Variants in ACYP2 observed in about 807,000 individuals in gnomAD.
ACYP2 encodes acylphosphatase 2, also known as acylphosphatase-2.
A neutral mutation model predicts 11.2 loss-of-function variants in ACYP2; 12 were observed. The ratio of observed to expected loss-of-function variants is 1.08; its 90% confidence interval spans 0.69 to 1.74. The LOEUF (loss-of-function observed/expected upper bound fraction) is 1.74. Ranked by LOEUF, ACYP2 falls within the 40% of genes most tolerant of loss-of-function variation. The pLI, the probability that ACYP2 is intolerant of heterozygous loss-of-function variation, is 0.00. For missense variants in ACYP2, 134 were observed against 101.9 expected (o/e 1.31, Z -1.35); for synonymous variants, 43 against 32.2 (o/e 1.33, Z -1.13).
chr2:54,052,046 CAATAAATAAATAAATA>C (rs58161337), intron 3 of ACYP2, among the ~76,000 whole-genome samples: 6 of 141,070 alleles, frequency 4.3e-5, no homozygotes, highest in African/African-American at 7.8e-5. Context: ...GACTCTGTCT[CAATAAATAAATAAATA>C]AATAAATAAA....
intron 3 of ACYP2, among the ~76,000 whole-genome samples, chr2:54,053,720 G>A (rs1176228104): frequency 6.6e-6 from 1 of 152,178 alleles, no homozygotes. Flanking sequence ...CTCCAAGTTT[G>A]TCCTTTTTTG....
intron 3 of ACYP2, chr2:54,051,648 C>T (rs749300624): frequency 2.1e-5 from 15 of 729,126 alleles, no homozygotes; most frequent in South Asian, 1.6e-4. Context: ...AAGAAGGCTG[C>T]GAAGTTGAAG....
chr2:54,004,938 C>G (rs534592271), intron 2 of ACYP2, among the ~76,000 whole-genome samples: 3 of 149,952 alleles, frequency 2.0e-5, no homozygotes, highest in African/African-American at 7.4e-5. Flanking sequence ...AAGAAAAGAG[C>G]TCTTTGTATA....
intron 4 of ACYP2, chr2:54,085,029 AACTT>A (rs1465996268): frequency 6.6e-6 from 1 of 152,212 alleles, no homozygotes; most frequent in Admixed American, 6.5e-5. Context: ...CTATGTCTTC[AACTT>A]ACTTTCAAAA....
At chr2:54,173,363 T>C (rs200790636) in intron 6 of ACYP2, among the ~76,000 whole-genome samples, 1 of 152,230 alleles carries the variant, frequency 6.6e-6, no homozygotes, top group Non-Finnish European at 1.5e-5. Flanking sequence ...AGTGTCTGTT[T>C]ATATCCTTTG....
At chr2:54,071,279 C>T (rs185961125) in intron 4 of ACYP2, among the ~76,000 whole-genome samples, 7 of 152,190 alleles carry the variant, frequency 4.6e-5, no homozygotes, top group Admixed American at 3.3e-4. Context: ...ACTACAGATT[C>T]TAGCCAGGAC....
chr2:54,129,063 G>A (rs1207174610), intron 4 of ACYP2, among the ~76,000 whole-genome samples: 2 of 152,110 alleles, frequency 1.3e-5, no homozygotes, highest in East Asian at 1.9e-4. Flanking sequence ...GCACCCATAT[G>A]TGTCTCCTTA....
intron 4 of ACYP2, among the ~76,000 whole-genome samples, chr2:54,080,976 G>A (rs1677615485): frequency 6.6e-6 from 1 of 152,122 alleles, no homozygotes; most frequent in African/African-American, 2.4e-5. Flanking sequence ...GCAGCATTTT[G>A]AACAGATTTG....
intron 4 of ACYP2, among the ~76,000 whole-genome samples, chr2:54,078,916 T>C (rs962346120): frequency 3.3e-5 from 5 of 152,194 alleles, no homozygotes; most frequent in African/African-American, 7.2e-5. Flanking sequence ...CTTTTTAACT[T>C]ATGATGTCAA....
At chr2:54,085,764 A>G (rs888904196) in intron 4 of ACYP2, among the ~76,000 whole-genome samples, 30 of 152,194 alleles carry the variant, frequency 2.0e-4, no homozygotes, top group African/African-American at 7.0e-4. Flanking sequence ...CAATGTGGCA[A>G]AAGTTAAAAT....
intron 6 of ACYP2, among the ~76,000 whole-genome samples, chr2:54,237,317 A>G (rs561379788): frequency 5.1e-4 from 76 of 148,290 alleles, no homozygotes; most frequent in Non-Finnish European, 1.0e-3. Context: ...ATGTATTATT[A>G]TAACTATTGC....
chr2:54,164,870 C>A (rs1682882495), intron 6 of ACYP2, among the ~76,000 whole-genome samples: 1 of 152,132 alleles, frequency 6.6e-6, no homozygotes, highest in Admixed American at 6.5e-5. Flanking sequence ...TGCCCCTCAC[C>A]CCCGTGACAG....
chr2:54,255,388 G>C, intron 6 of ACYP2: 1 of 1,614,024 alleles, frequency 6.2e-7, no homozygotes, highest in Non-Finnish European at 8.5e-7. Context: ...GTGGCGGAAA[G>C]CAGTGACCCA....
chr2:54,199,042 A>G lies in ACYP2; in HGVS notation c.404+60294A>G, dbSNP rs979261247. ...AGGTTAACACAGGGAAGTAACACAA[A>G]TAAGAGAGGATATTATAGGGTTTCT... On this transcript the variant is annotated intron_variant, in intron 6 of 6. Coordinates refer to ENST00000607452, the MANE Select transcript of ACYP2 (RefSeq NM_001320586.2). 4.6e-5 allele frequency among the ~76,000 whole-genome samples: 7 copies of G among 152,288 alleles called. No individual in the cohort carries two copies. The South Asian group carries it at 1.4e-3, about 32-fold the overall frequency.
intron 6 of ACYP2, among the ~76,000 whole-genome samples, chr2:54,149,378 A>G (rs187458751): frequency 4.1e-4 from 63 of 152,222 alleles, no homozygotes; most frequent in Admixed American, 2.6e-3. Flanking sequence ...TCTGTGTTTT[A>G]TTTTCTCAAA....
intron 6 of ACYP2, among the ~76,000 whole-genome samples, chr2:54,199,400 A>G (rs139455980): frequency 9.2e-5 from 14 of 152,238 alleles, no homozygotes; most frequent in Middle Eastern, 3.4e-3. Context: ...GATTATTAAG[A>G]TTTTCAGGAT....
chr2:54,118,575 C>T (rs552952828), intron 4 of ACYP2, among the ~76,000 whole-genome samples: 1 of 152,316 alleles, frequency 6.6e-6, no homozygotes, highest in East Asian at 1.9e-4. Context: ...TGTGCTTTCC[C>T]ATTATAAGAT....
intron 6 of ACYP2, among the ~76,000 whole-genome samples, chr2:54,204,284 C>T (rs1239107798): frequency 5.3e-5 from 8 of 150,900 alleles, no homozygotes; most frequent in East Asian, 2.0e-4. Flanking sequence ...TGAGCCACTG[C>T]GCCCGGCCAT....
chr2:54,070,470 A>G (rs1305323555), intron 4 of ACYP2, among the ~76,000 whole-genome samples: 2 of 152,132 alleles, frequency 1.3e-5, no homozygotes, highest in Non-Finnish European at 2.9e-5. Context: ...ACCAGAGCAC[A>G]CTATCTGCCG....
Sources: allele counts gnomAD v4.1 joint callset (sites outside exome capture counted in the v4.1 genomes callset), GRCh38; gene constraint gnomAD v4.1.1; transcripts MANE v1.5; gene names NCBI Gene and HGNC (gene_info 2026-07-23, HGNC 2026-07-21).